DCHS2: variants seen among roughly 807,000 people sequenced by gnomAD.
DCHS2 encodes dachsous cadherin-related 2, also known as protocadherin-23.
A neutral mutation model predicts 182.4 loss-of-function variants in DCHS2; 142 were observed. The observed-to-expected ratio is 0.78, with a 90% CI of 0.68 to 0.89. The LOEUF is 0.89. Among genes scored for constraint, DCHS2 ranks in the 40% least tolerant of loss-of-function variants. The pLI, the probability that DCHS2 is intolerant of heterozygous loss-of-function variation, is 0.00. For synonymous variants in DCHS2, 1,740 were observed against 1,663.3 expected, an observed-to-expected ratio of 1.05 and a Z score of -1.12; for missense variants, 4,319 against 4,198.6, an observed-to-expected ratio of 1.03 and a Z score of -0.79.
intron 3 of DCHS2, among the ~76,000 whole-genome samples, chr4:154,338,144 G>A (rs1430817261): frequency 6.6e-6 from 1 of 151,884 alleles, no homozygotes; most frequent in African/African-American, 2.4e-5. Context: ...CAGCAGCCTG[G>A]GTACATGTGC....
At chr4:154,417,251 G>GAGAGAGAGAGAGAGA (rs1262645881) in intron 1 of DCHS2, among the ~76,000 whole-genome samples, 1 of 144,532 alleles carries the variant, frequency 6.9e-6, no homozygotes, top group African/African-American at 2.6e-5. Flanking sequence ...GAGAGAGAGA[G>GAGAGAGAGAGAGAGA]ACCAGTCAGG....
intron 1 of DCHS2, among the ~76,000 whole-genome samples, chr4:154,481,247 A>G (rs1038466301): frequency 6.6e-6 from 1 of 151,988 alleles, no homozygotes; most frequent in Non-Finnish European, 1.5e-5. Context: ...GAAAGAACTG[A>G]CTTTTATTTT....
At chr4:154,461,234 A>C (rs1324297012) in intron 1 of DCHS2, among the ~76,000 whole-genome samples, 1 of 152,210 alleles carries the variant, frequency 6.6e-6, no homozygotes, top group African/African-American at 2.4e-5. Context: ...TTTCATTGAA[A>C]ACACGTTTAT....
chr4:154,383,887 G>A (rs1554012683), intron 1 of DCHS2, among the ~76,000 whole-genome samples: 3 of 150,290 alleles, frequency 2.0e-5, no homozygotes, highest in Non-Finnish European at 4.4e-5. Flanking sequence ...AGTTCTAGTG[G>A]AAAAAAAAAT....
intron 1 of DCHS2, among the ~76,000 whole-genome samples, chr4:154,394,104 G>A (rs1731830294): frequency 6.6e-6 from 1 of 152,078 alleles, no homozygotes; most frequent in Admixed American, 6.6e-5. Context: ...TGGAGCGGAA[G>A]GCTAGGAGAG....
intron 3 of DCHS2, chr4:154,343,725 C>A: frequency 8.1e-7 from 1 of 1,229,276 alleles, no homozygotes; most frequent in Non-Finnish European, 1.0e-6. Context: ...TTGATCTATC[C>A]AGACCACTCA....
chr4:154,372,100 T>G (rs942295631), intron 2 of DCHS2, among the ~76,000 whole-genome samples: 8 of 152,080 alleles, frequency 5.3e-5, no homozygotes. Flanking sequence ...AAAGGAGTAT[T>G]GAAGATAATT....
At chr4:154,377,846 G>A (rs1221865460) in intron 1 of DCHS2, among the ~76,000 whole-genome samples, 1 of 152,148 alleles carries the variant, frequency 6.6e-6, no homozygotes, top group Non-Finnish European at 1.5e-5. Context: ...CTCATACCTA[G>A]GCCTTCAAGT....
At chr4:154,386,154 T>A (rs541429848) in intron 1 of DCHS2, among the ~76,000 whole-genome samples, 1 of 152,222 alleles carries the variant, frequency 6.6e-6, no homozygotes, top group Admixed American at 6.5e-5. Flanking sequence ...TGACACCAAA[T>A]CCTATTACTC....
At chr4:154,487,692 G>T (rs1374739774) in intron 1 of DCHS2, among the ~76,000 whole-genome samples, 1 of 152,192 alleles carries the variant, frequency 6.6e-6, no homozygotes, top group Non-Finnish European at 1.5e-5. Flanking sequence ...AATTTGCAAA[G>T]CTAAAGCCTG....
At chr4:154,324,837 G>C (rs752939778) in intron 7 of DCHS2, among the ~76,000 whole-genome samples, 1 of 152,116 alleles carries the variant, frequency 6.6e-6, no homozygotes, top group African/African-American at 2.4e-5. Context: ...CATTGATTTT[G>C]TTCTCACAGA....
chr4:154,239,139 A>G, intron 19 of DCHS2, 31 bp downstream of exon 19: 5 of 1,597,374 alleles, frequency 3.1e-6, no homozygotes, highest in Admixed American at 1.8e-5. Flanking sequence ...ACCCAAACCT[A>G]TGAGCATTAA....
chr4:154,346,963 G>T (rs1729389801), intron 3 of DCHS2, among the ~76,000 whole-genome samples: 1 of 151,662 alleles, frequency 6.6e-6, no homozygotes, highest in Admixed American at 6.6e-5. Flanking sequence ...TTGTGAACCT[G>T]CTTAGGATGA....
chr4:154,277,769 A>G (rs1451673481), intron 13 of DCHS2, among the ~76,000 whole-genome samples: 2 of 152,176 alleles, frequency 1.3e-5, no homozygotes, highest in Non-Finnish European at 2.9e-5. Context: ...AACTGAGTGC[A>G]GTGGTTCATG....
intron 1 of DCHS2, among the ~76,000 whole-genome samples, chr4:154,418,148 ACCT>A: frequency 6.6e-6 from 1 of 152,228 alleles, no homozygotes; most frequent in South Asian, 2.1e-4. Context: ...TTTTAAATGC[ACCT>A]GTAGGTCATG....
chr4:154,391,016 G>A, intron 1 of DCHS2: 1 of 634,192 alleles, frequency 1.6e-6, no homozygotes, highest in South Asian at 2.5e-5. Flanking sequence ...ACAAATTCAT[G>A]AGAGGATCCT....
rs1731577846 is a variant in DCHS2, at chr4:154,237,286, T to C, written c.7493-127A>G. ...CTTTGTTAGATCTGTTAAGTCACAA[T>C]GAACAATGACTCCAAATAGAAATAC... On this transcript the variant is annotated intron_variant, in intron 19 of 19. Coordinates refer to ENST00000357232, the MANE Select transcript of DCHS2 (RefSeq NM_001358235.2). The C allele has an allele frequency of 2.6e-5, 33 of 1,246,430 alleles. 1 individual carries two copies. In the South Asian group the frequency reaches 5.2e-4, roughly 20 times the overall value. The allele number at this position is 1,246,430 out of a possible 1,614,324, so 77.2% of individuals were successfully genotyped here. A position where few individuals can be genotyped will look rare whatever the true frequency, so the allele number is the denominator to read the frequency against.
chr4:154,471,929 G>GA (rs1340395810), intron 1 of DCHS2, among the ~76,000 whole-genome samples: 2 of 152,102 alleles, frequency 1.3e-5, no homozygotes, highest in Non-Finnish European at 2.9e-5. Context: ...CTTTCAGACT[G>GA]AAAAATCATC....
intron 9 of DCHS2, among the ~76,000 whole-genome samples, chr4:154,319,531 C>T (rs1207441880): frequency 6.6e-6 from 1 of 151,254 alleles, no homozygotes; most frequent in African/African-American, 2.4e-5. Flanking sequence ...ATAGAAACAT[C>T]TCCAAAAAAG....
Sources: allele counts gnomAD v4.1 joint callset (sites outside exome capture counted in the v4.1 genomes callset), GRCh38; gene constraint gnomAD v4.1.1; transcripts MANE v1.5; gene names NCBI Gene and HGNC (gene_info 2026-07-23, HGNC 2026-07-21).